The following SMG6 variants were observed in gnomAD, a reference collection of about 807,000 sequenced individuals.
The protein encoded by SMG6 is telomerase-binding protein EST1A.
In SMG6, 66 loss-of-function variants were observed where a neutral mutation model predicts 142.2. The ratio of observed to expected loss-of-function variants is 0.46; its 90% CI spans 0.38 to 0.57. SMG6 has a LOEUF of 0.57. SMG6 is among the 20% of genes least tolerant of loss of function. SMG6 has a pLI of 0.00. For synonymous variants in SMG6, 779 were observed against 702.4 expected, an observed-to-expected ratio of 1.11 and a Z score of -1.72; for missense variants, 1,793 against 1,832.0, an observed-to-expected ratio of 0.98 and a Z score of 0.39.
chr17:2,186,295 T>C (rs1284145131), intron 12 of SMG6, among the ~76,000 whole-genome samples: 1 of 146,480 alleles, frequency 6.8e-6, no homozygotes, highest in African/African-American at 2.5e-5. Context: ...GAAAAACTAA[T>C]AAGAGAAGAT....
At chr17:2,236,449 C>CT in intron 10 of SMG6, 43 bp downstream of exon 10, 2 of 1,510,322 alleles carry the variant, frequency 1.3e-6, no homozygotes, top group Non-Finnish European at 1.8e-6. Flanking sequence ...ACATTAATCT[C>CT]TATCTGTCTA....
In SMG6 at chr17:2,299,359, G is replaced by C; in HGVS notation, c.1394C>G (p.Pro465Arg). ...CTGGGGCGTCTGAGTCTTTAGAGCAGGTTTCTGATCAGGATTGTTTGGGTC... is the reference window on the plus strand; with the variant it reads ...CTGGGGCGTCTGAGTCTTTAGAGCACGTTTCTGATCAGGATTGTTTGGGTC... ...LWDPNNPDQK[P>R]ALKTQTPQLH... Residue 465 changes from proline (P) to arginine (R), a missense_variant, in exon 2 of 19, where the codon CCT (proline) becomes CGT (arginine). Transcript: ENST00000263073. This position sits in a 1 kb window ranked among gnomAD's most constrained non-coding sequence, Gnocchi z 4.3. 2 of 1,614,074 alleles carry C rather than the reference G, an allele frequency of 1.2e-6. No homozygotes were observed. Among genetic ancestry groups the C allele is most frequent in the Non-Finnish European group, 1.7e-6 (2 of 1,180,042 alleles).
chr17:2,104,389 C>T (rs2069097470), intron 13 of SMG6, among the ~76,000 whole-genome samples: 1 of 152,164 alleles, frequency 6.6e-6, no homozygotes, highest in Admixed American at 6.5e-5. Context: ...AGCCACTGTG[C>T]CTGGCCACCA....
rs893765975 is a variant in SMG6, at chr17:2,140,669, C to T, written c.3357+31989G>A. Among the ~76,000 whole-genome samples, 92 of 105,468 alleles carry T rather than the reference C, an allele frequency of 8.7e-4. 1 individual carries two copies. Among genetic ancestry groups the T allele is most frequent in the Non-Finnish European group, 2.9e-4 (16 of 54,848 alleles). The allele number at this position is 105,468 out of a possible 152,430, so 69.2% of individuals were successfully genotyped here. On this transcript the variant is annotated intron_variant, in intron 13 of 18. Coordinates refer to ENST00000263073, the MANE Select transcript of SMG6 (RefSeq NM_017575.5). ...CCTGGGTGACAGAGTGAGATTCCAT[C>T]TCAAAAAAAAAAAAAAAAATTCTTC...
chr17:2,157,671 C>T (rs1024055456), intron 13 of SMG6, among the ~76,000 whole-genome samples: 1 of 152,194 alleles, frequency 6.6e-6, no homozygotes, highest in African/African-American at 2.4e-5. Context: ...CTCATGCTTT[C>T]AGCTTAAAGT....
intron 15 of SMG6, among the ~76,000 whole-genome samples, chr17:2,080,455 G>A (rs1018626586): frequency 1.3e-5 from 2 of 152,064 alleles, no homozygotes; most frequent in Non-Finnish European, 2.9e-5. Flanking sequence ...AAAAAAGATG[G>A]CTCTCGATTG....
At chr17:2,225,663 A>G (rs1249246234) in intron 10 of SMG6, among the ~76,000 whole-genome samples, 5 of 152,240 alleles carry the variant, frequency 3.3e-5, no homozygotes, top group Non-Finnish European at 1.5e-5. Flanking sequence ...AATAAATTTA[A>G]TAAATAAAAT....
At chr17:2,144,058 T>C (rs1375935780) in intron 13 of SMG6, among the ~76,000 whole-genome samples, 32 of 142,084 alleles carry the variant, frequency 2.3e-4, no homozygotes, top group African/African-American at 7.1e-4. Flanking sequence ...GCTTTTTTTT[T>C]TTTTTTTTTT....
chr17:2,219,302 T>C (rs2073106521), intron 10 of SMG6, among the ~76,000 whole-genome samples: 1 of 152,046 alleles, frequency 6.6e-6, no homozygotes, highest in Non-Finnish European at 1.5e-5. Context: ...GGAGAATAGC[T>C]TGAACCTGGG....
At chr17:2,211,660 T>A (rs1307479719) in intron 10 of SMG6, among the ~76,000 whole-genome samples, 6 of 104,506 alleles carry the variant, frequency 5.7e-5, no homozygotes, top group African/African-American at 2.0e-4. Flanking sequence ...CGAGACTCCA[T>A]CTAATTAAAA....
intron 8 of SMG6, among the ~76,000 whole-genome samples, chr17:2,260,776 C>G (rs927365081): frequency 1.3e-4 from 20 of 151,434 alleles, no homozygotes; most frequent in African/African-American, 4.9e-4. Context: ...GGGTGGATCA[C>G]CTGAGGTCAG....
chr17:2,209,941 G>C (rs1228065224), intron 10 of SMG6, among the ~76,000 whole-genome samples: 1 of 152,176 alleles, frequency 6.6e-6, no homozygotes, highest in African/African-American at 2.4e-5. Context: ...TACAGAAAGA[G>C]GCCTTCACTG....
chr17:2,125,191 A>G (rs894311088), intron 13 of SMG6, among the ~76,000 whole-genome samples: 3 of 152,174 alleles, frequency 2.0e-5, no homozygotes, highest in African/African-American at 4.8e-5. Flanking sequence ...GAAAATAGAG[A>G]AGGAGACAGG....
At chr17:2,077,222 G>A (rs192891940) in intron 15 of SMG6, among the ~76,000 whole-genome samples, 35 of 152,326 alleles carry the variant, frequency 2.3e-4, no homozygotes, top group Non-Finnish European at 7.3e-5. Flanking sequence ...GCTAAACTGA[G>A]CTGAAGACAT....
intron 13 of SMG6, chr17:2,087,993 T>C (rs1164839431): frequency 1.0e-6 from 1 of 985,724 alleles, no homozygotes; most frequent in Admixed American, 6.2e-5. Context: ...ATTTTCCTTC[T>C]TGGTGTGAGG....
chr17:2,063,001 G>T (rs1311701795), intron 18 of SMG6: 1 of 152,644 alleles, frequency 6.6e-6, no homozygotes, highest in Non-Finnish European at 1.5e-5. Flanking sequence ...AGACTACTCA[G>T]CTGCCTGGGC....
intron 8 of SMG6, chr17:2,266,288 T>C (rs2074422193): frequency 1.8e-6 from 1 of 550,052 alleles, no homozygotes; most frequent in Admixed American, 6.4e-5. Flanking sequence ...GAACAGGATA[T>C]GCTGGTAATC....
intron 8 of SMG6, among the ~76,000 whole-genome samples, chr17:2,254,714 A>ATTT (rs2074125309): frequency 6.6e-6 from 1 of 152,172 alleles, no homozygotes. Context: ...GGACCCATAC[A>ATTT]TTTATTCATT....
At position 2,282,692 on chromosome 17, in the gene SMG6, C is replaced by T; in HGVS notation, c.2616G>A (p.Lys872=). The change falls in exon 8 of 19, where the codon AAG becomes AAA. Residue 872 remains lysine (K), a synonymous_variant. Transcript: ENST00000263073. ...CCAGCCCATTCTCTTGCTCAGAATC[C>T]TTCCCAGACTCAGTGCCCTGGGAAG... ...PRSSQGTESG[K]DSEQENGLGS... The T allele has an allele frequency of 1.9e-6, 3 of 1,614,094 alleles. No homozygotes were observed. The highest frequency in any genetic ancestry group is 2.7e-5 in the African/African-American group (2 of 75,036).
Sources: gnomAD v4.1 joint callset for allele counts (sites outside exome capture counted in the v4.1 genomes callset) on GRCh38, gnomAD v4.1.1 for gene constraint, Gnocchi (gnomAD v3.1) non-coding constraint, MANE v1.5 for transcripts, NCBI Gene and HGNC (gene_info 2026-07-23, HGNC 2026-07-21) for gene names.